Variants in CTNNA2 observed in about 807,000 individuals in gnomAD.
CTNNA2 encodes catenin alpha 2, also known as catenin alpha-2.
CTNNA2 carries 42 observed loss-of-function variants against 101.0 expected under a neutral mutation model. That is an observed-to-expected ratio of 0.42 (90% CI 0.32 to 0.54). The LOEUF is 0.54. CTNNA2 is among the 20% of genes least tolerant of loss of function. CTNNA2 has a pLI of 0.14. For synonymous variants in CTNNA2, 450 were observed against 456.4 expected (o/e 0.99, Z 0.18); for missense variants, 871 against 1,223.1 (o/e 0.71, Z 4.29).
At chr2:80,012,391 C>T (rs1239972296) in intron 7 of CTNNA2, among the ~76,000 whole-genome samples, 8 of 152,274 alleles carry the variant, frequency 5.3e-5, no homozygotes, top group Middle Eastern at 3.4e-3. Context: ...TCTTATAAAG[C>T]TGTCTTGTTG....
At chr2:80,093,457 A>G (rs1487381332) in intron 7 of CTNNA2, among the ~76,000 whole-genome samples, 1 of 152,200 alleles carries the variant, frequency 6.6e-6, no homozygotes, top group Non-Finnish European at 1.5e-5. Flanking sequence ...TAGTGCCGCA[A>G]TAAACATACG....
At chr2:79,288,483 T>C (rs1675688924) in intron 2 of CTNNA2, among the ~76,000 whole-genome samples, 1 of 152,246 alleles carries the variant, frequency 6.6e-6, no homozygotes, top group African/African-American at 2.4e-5. Context: ...CTGAAGCTAC[T>C]GGAAGATTTG....
chr2:80,638,880 A>G (rs1472177005), intron 18 of CTNNA2, among the ~76,000 whole-genome samples: 2 of 152,216 alleles, frequency 1.3e-5, no homozygotes, highest in African/African-American at 4.8e-5. Context: ...ATTCCTCAGC[A>G]AGGCTGTGGA....
Position 79,651,546 on chromosome 2 carries a change from C to A in CTNNA2, c.-5-6C>A. On this transcript the variant is annotated splice_polypyrimidine_tract_variant and splice_region_variant and intron_variant, in intron 1 of 18. Transcript: ENST00000402739. ...TATTTCTAACTGATTACATGTGTTC[C>A]CATAGGGAGCATGACTTCGGCAACT... The A allele has an allele frequency of 6.2e-7, 1 of 1,611,942 alleles. No individual in the cohort carries two copies. The highest frequency in any genetic ancestry group is 8.5e-7 in the Non-Finnish European group (1 of 1,178,316).
intron 5 of CTNNA2, among the ~76,000 whole-genome samples, chr2:79,873,267 A>T (rs1196758377): frequency 6.6e-6 from 1 of 152,140 alleles, no homozygotes; most frequent in Non-Finnish European, 1.5e-5. Context: ...TGGCCCATGC[A>T]ATCAATTTAC....
intron 7 of CTNNA2, among the ~76,000 whole-genome samples, chr2:80,221,220 T>C (rs1708557654): frequency 6.6e-6 from 1 of 152,208 alleles, no homozygotes; most frequent in Non-Finnish European, 1.5e-5. Context: ...CTGCATATAA[T>C]AGGAATCAAG....
At position 79,877,696 on chromosome 2, in the gene CTNNA2, T is replaced by A. The variant is rs369477499; in HGVS notation, c.852+3354T>A. Among the ~76,000 whole-genome samples the A allele has an allele frequency of 1.2e-4, 18 of 152,314 alleles. No homozygotes were observed. In the East Asian group the frequency reaches 3.1e-3, roughly 26 times the overall value. On this transcript the variant is annotated intron_variant, in intron 6 of 18. Transcript: ENST00000402739. Reference sequence around the variant, plus strand: ...CCTGTGGTTTACTTTTCTGGCAAAATCTCTTACTGATACTTGGTATAATAC... The same window carrying A: ...CCTGTGGTTTACTTTTCTGGCAAAAACTCTTACTGATACTTGGTATAATAC...
intron 18 of CTNNA2, among the ~76,000 whole-genome samples, chr2:80,625,049 A>G (rs960020107): frequency 6.6e-6 from 1 of 151,990 alleles, no homozygotes; most frequent in Non-Finnish European, 1.5e-5. Context: ...AATGCCAAGC[A>G]GAGAACAGCA....
chr2:79,896,872 A>G (rs1355713890), intron 6 of CTNNA2, among the ~76,000 whole-genome samples: 1 of 152,140 alleles, frequency 6.6e-6, no homozygotes, highest in Non-Finnish European at 1.5e-5. Context: ...GAGAAGAATT[A>G]ATAACACGGT....
chr2:79,386,030 C>A (rs571138322), intron 4 of CTNNA2, among the ~76,000 whole-genome samples: 119 of 152,240 alleles, frequency 7.8e-4, no homozygotes, highest in African/African-American at 2.8e-3. Flanking sequence ...GATTTATAAT[C>A]CTTTGAGTAT....
At chr2:79,949,366 T>C (rs1418628259) in intron 7 of CTNNA2, among the ~76,000 whole-genome samples, 2 of 152,238 alleles carry the variant, frequency 1.3e-5, no homozygotes, top group East Asian at 3.8e-4. Flanking sequence ...ACTGATTGTT[T>C]TATGCAGAAA....
At chr2:79,257,740 G>C (rs1378145569) in intron 2 of CTNNA2, among the ~76,000 whole-genome samples, 1 of 151,874 alleles carries the variant, frequency 6.6e-6, no homozygotes, top group Non-Finnish European at 1.5e-5. Flanking sequence ...CTGTCACCGG[G>C]AGGCTCTTGT....
chr2:79,964,240 C>T (rs1453300425), intron 7 of CTNNA2, among the ~76,000 whole-genome samples: 1 of 152,114 alleles, frequency 6.6e-6, no homozygotes, highest in Non-Finnish European at 1.5e-5. Flanking sequence ...GTGTCAGAAT[C>T]TTTACAGTTA....
In CTNNA2 at chr2:80,152,288, A is replaced by G. The variant is rs955907918; in HGVS notation, c.1057-240923A>G. Among the ~76,000 whole-genome samples the G allele has an allele frequency of 4.6e-4, 70 of 151,090 alleles. 1 individual carries two copies. The highest frequency in any genetic ancestry group is 5.2e-4 in the Non-Finnish European group (35 of 67,896). Reference sequence around the variant, plus strand: ...GGCAGGTGGTATAGGCTTGTGGCAGATCCCGGAGAAGAACCAATGCCACTT... The same window carrying G: ...GGCAGGTGGTATAGGCTTGTGGCAGGTCCCGGAGAAGAACCAATGCCACTT... On this transcript the variant is annotated intron_variant, in intron 7 of 18. Transcript: ENST00000402739.
intron 2 of CTNNA2, among the ~76,000 whole-genome samples, chr2:79,679,842 T>G (rs1356406381): frequency 6.6e-6 from 1 of 152,042 alleles, no homozygotes; most frequent in Non-Finnish European, 1.5e-5. Context: ...GAAGTCCTCC[T>G]GCGTCTTCTC....
At chr2:79,966,886 C>T (rs1302289531) in intron 7 of CTNNA2, among the ~76,000 whole-genome samples, 1 of 152,042 alleles carries the variant, frequency 6.6e-6, no homozygotes, top group Non-Finnish European at 1.5e-5. Context: ...GTTTTTTCCC[C>T]TAACCATACC....
intron 7 of CTNNA2, among the ~76,000 whole-genome samples, chr2:80,269,349 G>T (rs1268687759): frequency 6.6e-6 from 1 of 152,162 alleles, no homozygotes; most frequent in African/African-American, 2.4e-5. Flanking sequence ...CTGATGCCTT[G>T]TGAAGAAGGA....
intron 7 of CTNNA2, among the ~76,000 whole-genome samples, chr2:80,367,044 A>C (rs781149336): frequency 1.3e-4 from 20 of 150,758 alleles, no homozygotes; most frequent in Admixed American, 2.0e-4. Flanking sequence ...TAGTCTTTCA[A>C]AAGGAGGCAA....
At chr2:79,708,346 T>A (rs1305250503) in intron 2 of CTNNA2, among the ~76,000 whole-genome samples, 1 of 152,168 alleles carries the variant, frequency 6.6e-6, no homozygotes, top group African/African-American at 2.4e-5. Flanking sequence ...TGTTTTCCTT[T>A]TCACCCTATT....
Sources: allele counts gnomAD v4.1 joint callset (sites outside exome capture counted in the v4.1 genomes callset), GRCh38; gene constraint gnomAD v4.1.1; transcripts MANE v1.5; gene names NCBI Gene and HGNC (gene_info 2026-07-23, HGNC 2026-07-21).